The following PEX1 variants were observed in gnomAD, a reference collection of about 807,000 sequenced individuals.
PEX1 encodes peroxisomal ATPase PEX1.
A neutral mutation model predicts 152.5 loss-of-function variants in PEX1; 97 were observed. The ratio of observed to expected loss-of-function variants is 0.64; its 90% CI spans 0.54 to 0.75. The LOEUF (loss-of-function observed/expected upper bound fraction) is 0.75, where lower values mean the gene tolerates loss of function less well. Ranked by LOEUF, PEX1 falls within the 30% of genes least tolerant of loss-of-function variation. PEX1 has a pLI of 0.00. For missense variants in PEX1, 1,357 were observed against 1,516.3 expected, an observed-to-expected ratio of 0.89 and a Z score of 1.74; for synonymous variants, 485 against 531.6, an observed-to-expected ratio of 0.91 and a Z score of 1.21.
chr7:92,491,758 C>A (rs950107950), intron 20 of PEX1: 2 of 452,524 alleles, frequency 4.4e-6, no homozygotes, highest in African/African-American at 4.0e-5. Flanking sequence ...AAGACTCAGA[C>A]CTCTGGGCTT....
rs950106288 is a variant in PEX1 at position 92,503,082 on chromosome 7, G to A, written c.2185C>T (p.His729Tyr). ...HPLLVSAQGVHIFQCVQHIQP... is the reference protein window; with the variant it reads ...HPLLVSAQGVYIFQCVQHIQP... ...ATGTGTTGGACGCACTGAAATATGT[G>A]AACTCCTTGAGCAGAAACAAGTAAA... Residue 729 changes from histidine to tyrosine, a missense_variant, in exon 13 of 24, where the codon CAC (histidine) becomes TAC (tyrosine). Coordinates refer to ENST00000248633, the MANE Select transcript of PEX1 (RefSeq NM_000466.3). 2.5e-6 allele frequency: 4 copies of A among 1,613,792 alleles called. No homozygotes were observed. The highest frequency in any genetic ancestry group is 3.4e-6 in the Non-Finnish European group (4 of 1,179,762).
At position 92,517,661 on chromosome 7, in the gene PEX1, T is replaced by C. The variant is rs781103940; in HGVS notation, c.854A>G (p.Asn285Ser). Residue 285 changes from asparagine to serine, a missense_variant, in exon 5 of 24, where the codon AAT becomes AGT. By Grantham distance (46) the Asn-to-Ser change is conservative. Coordinates refer to ENST00000248633, the MANE Select transcript of PEX1 (RefSeq NM_000466.3). ...NMQSKVVPLD[N>S]IFRVCKSQPP... Reference sequence around the variant, plus strand: ...TTGAGATTTGCATACTCTGAAAATATTGTCTAGAGGAACAACCTTTGACTG... The same window carrying C: ...TTGAGATTTGCATACTCTGAAAATACTGTCTAGAGGAACAACCTTTGACTG... 3.1e-6 allele frequency: 5 copies of C among 1,613,904 alleles called. No individual in the cohort carries two copies. Among genetic ancestry groups the C allele is most frequent in the Non-Finnish European group, 4.2e-6 (5 of 1,180,024 alleles).
chr7:92,516,084 A>AGAAAAGAAAAGAAAAGAAAG (rs1792764351), intron 5 of PEX1, among the ~76,000 whole-genome samples: 1 of 151,418 alleles, frequency 6.6e-6, no homozygotes, highest in African/African-American at 2.4e-5. Context: ...AGAAAAGAAA[A>AGAAAAGAAAAGAAAAGAAAG]GAAAAGAAAA....
chr7:92,518,077 A>G (rs370769381), intron 4 of PEX1, 35 bp from the exon 5 acceptor site: 723 of 1,612,832 alleles, frequency 4.5e-4, no homozygotes, highest in Middle Eastern at 1.6e-3. Context: ...GTGCACATTC[A>G]TTTCTACTTT....
At chr7:92,523,920 C>A (rs1379333792) in intron 1 of PEX1, among the ~76,000 whole-genome samples, 1 of 151,988 alleles carries the variant, frequency 6.6e-6, no homozygotes, top group Non-Finnish European at 1.5e-5. Flanking sequence ...AATATTAGGC[C>A]AGGTGCAGTG....
At chr7:92,498,828 C>T (rs1562851428) in intron 16 of PEX1, among the ~76,000 whole-genome samples, 3 of 152,198 alleles carry the variant, frequency 2.0e-5, no homozygotes, top group Non-Finnish European at 2.9e-5. Context: ...ATAAAAACCC[C>T]AGCTTCCTGC....
intron 22 of PEX1, 100 bp downstream of exon 22, chr7:92,489,614 A>G (rs1048108783): frequency 9.4e-6 from 11 of 1,170,494 alleles, no homozygotes; most frequent in Middle Eastern, 2.0e-4. Flanking sequence ...TCCCTTGTTT[A>G]TAAATATAGC....
chr7:92,489,369 G>C lies in PEX1; in HGVS notation c.3691C>G (p.Gln1231Glu). Reference sequence around the variant, plus strand: ...CCAAGTGCAGTCATTAAATGTGACTGACTAATAGCCAGTCTGGTTTTGATT... The same window carrying C: ...CCAAGTGCAGTCATTAAATGTGACTCACTAATAGCCAGTCTGGTTTTGATT... ...GPIKTRLAISQSHLMTALGHT... is the reference protein window; with the variant it reads ...GPIKTRLAISESHLMTALGHT... Residue 1231 changes from glutamine (Q) to glutamate (E), a missense_variant, in exon 23 of 24, where the codon CAG becomes GAG. By Grantham distance (29) the Gln-to-Glu change is conservative. Coordinates refer to ENST00000248633, the MANE Select transcript of PEX1 (RefSeq NM_000466.3). The C allele has an allele frequency of 6.2e-7, 1 of 1,611,930 alleles. No homozygotes were observed. Among genetic ancestry groups the C allele is most frequent in the Non-Finnish European group, 8.5e-7 (1 of 1,178,158 alleles).
At chr7:92,496,807 A>G (rs766031861) in intron 16 of PEX1, 30 bp from the exon 17 acceptor site, 27 of 1,426,498 alleles carry the variant, frequency 1.9e-5, no homozygotes, top group Non-Finnish European at 2.7e-5. Flanking sequence ...TTGAGATAAA[A>G]TTATTTAAAA....
chr7:92,509,293 C>T (rs780173320), intron 9 of PEX1, 36 bp downstream of exon 9: 31 of 1,374,832 alleles, frequency 2.3e-5, no homozygotes, highest in Middle Eastern at 1.8e-4. Flanking sequence ...GTGTTAAAAA[C>T]ATGTCTAACA....
intron 15 of PEX1, among the ~76,000 whole-genome samples, chr7:92,500,538 C>T (rs550510946): frequency 6.6e-6 from 1 of 152,310 alleles, no homozygotes; most frequent in South Asian, 2.1e-4. Flanking sequence ...CTTGATGCCC[C>T]ATCCCAGCAT....
chr7:92,510,100 T>TCCC (rs1389938533), intron 8 of PEX1, among the ~76,000 whole-genome samples: 1 of 150,126 alleles, frequency 6.7e-6, no homozygotes, highest in Non-Finnish European at 1.5e-5. Flanking sequence ...GCCGAGAGTG[T>TCCC]GCCACTGCAC....
At chr7:92,502,766 G>A (rs898947794) in intron 13 of PEX1, among the ~76,000 whole-genome samples, 4 of 152,100 alleles carry the variant, frequency 2.6e-5, no homozygotes, top group Non-Finnish European at 5.9e-5. Flanking sequence ...TTAATGAAGT[G>A]TTTAAAAGCC....
chr7:92,491,182 T>C, intron 21 of PEX1, 90 bp downstream of exon 21: 1 of 862,084 alleles, frequency 1.2e-6, no homozygotes, highest in Non-Finnish European at 2.0e-6. Flanking sequence ...GAAGAATATG[T>C]GGGGCTGGTT....
chr7:92,516,967 A>G (rs1457470239), intron 5 of PEX1, among the ~76,000 whole-genome samples: 1 of 152,182 alleles, frequency 6.6e-6, no homozygotes, highest in Non-Finnish European at 1.5e-5. Context: ...TGAACCCCCA[A>G]GTCAATCTGC....
chr7:92,528,185 C>G (rs756006219), intron 1 of PEX1, 122 bp downstream of exon 1: 3 of 1,333,996 alleles, frequency 2.2e-6, no homozygotes, highest in Non-Finnish European at 3.1e-6. Flanking sequence ...GTCGAGGGAC[C>G]CTGATCTCTG....
At chr7:92,489,618 A>T in intron 22 of PEX1, 96 bp downstream of exon 22, 1 of 1,190,222 alleles carries the variant, frequency 8.4e-7, no homozygotes, top group Non-Finnish European at 1.2e-6. Flanking sequence ...TTGTTTATAA[A>T]TATAGCTCGT....
Position 92,494,588 on chromosome 7 carries a change from A to G in PEX1, c.2825T>C (p.Phe942Ser). The G allele has an allele frequency of 1.9e-6, 3 of 1,614,078 alleles. No homozygotes were observed. The highest frequency in any genetic ancestry group is 1.7e-4 in the Middle Eastern group (1 of 6,060). Residue 942 changes from phenylalanine (F) to serine (S), a missense_variant, in exon 18 of 24, where the codon TTT becomes TCT. By Grantham distance (155) the Phe-to-Ser change is radical (BLOSUM62 -2). Coordinates refer to ENST00000248633, the MANE Select transcript of PEX1 (RefSeq NM_000466.3). ...ACCCCGCCGAGGAGCAATGGATTCA[A>G]ATTCATCAAAGAAAAGAATGCAGGG... is the stretch of plus-strand genomic sequence containing the variant. Reference protein sequence around the residue: ...AKPCILFFDEFESIAPRRGHD... With the variant: ...AKPCILFFDESESIAPRRGHD...
intron 9 of PEX1, among the ~76,000 whole-genome samples, chr7:92,508,925 T>C (rs1424948541): frequency 6.6e-6 from 1 of 152,170 alleles, no homozygotes; most frequent in Non-Finnish European, 1.5e-5. Context: ...ATTCAACTAA[T>C]GTTTTTGGCT....
Sources: gnomAD v4.1 joint callset for allele counts (sites outside exome capture counted in the v4.1 genomes callset) on GRCh38, gnomAD v4.1.1 for gene constraint, MANE v1.5 for transcripts, NCBI Gene and HGNC (gene_info 2026-07-23, HGNC 2026-07-21) for gene names.